KLF12: variants seen among roughly 807,000 people sequenced by gnomAD.
KLF12 encodes the protein KLF transcription factor 12.
In KLF12, 9 loss-of-function variants were observed where a neutral mutation model predicts 37.8. The observed-to-expected ratio is 0.24, with a 90% CI of 0.14 to 0.42. The LOEUF is 0.42. Among genes scored for constraint, KLF12 ranks in the 10% least tolerant of loss-of-function variants. The pLI is 1.00. For missense variants in KLF12, 411 were observed against 516.0 expected (o/e 0.80, Z 1.97); for synonymous variants, 208 against 202.1 (o/e 1.03, Z -0.25).
At chr13:73,964,351 C>T (rs1373687925) in intron 2 of KLF12, among the ~76,000 whole-genome samples, 1 of 152,170 alleles carries the variant, frequency 6.6e-6, no homozygotes, top group Non-Finnish European at 1.5e-5. Context: ...ATCTTTGCAT[C>T]TCCCATTGTT....
the KLF12 span, among the ~76,000 whole-genome samples, chr13:74,159,805 G>A: frequency 6.6e-6 from 1 of 152,072 alleles, no homozygotes; most frequent in Non-Finnish European, 1.5e-5. Context: ...GATTGCCTGA[G>A]CTCAGGAGCT....
the KLF12 span, among the ~76,000 whole-genome samples, chr13:74,149,432 A>G: frequency 2.0e-5 from 3 of 152,200 alleles, no homozygotes; most frequent in African/African-American, 7.2e-5. Flanking sequence ...TAAAAAGCTT[A>G]GTATTATCTT....
chr13:74,113,080 T>C (rs1877075276), intron 1 of KLF12, among the ~76,000 whole-genome samples: 1 of 152,180 alleles, frequency 6.6e-6, no homozygotes, highest in African/African-American at 2.4e-5. Flanking sequence ...CCTAACTCTC[T>C]TTAATTTTGC....
At chr13:74,076,370 C>A (rs992690848) in intron 1 of KLF12, among the ~76,000 whole-genome samples, 4 of 152,008 alleles carry the variant, frequency 2.6e-5, no homozygotes, top group Non-Finnish European at 5.9e-5. Flanking sequence ...GCTGGAAAGT[C>A]CAAGATCAAG....
At chr13:74,186,379 C>T in the KLF12 span, among the ~76,000 whole-genome samples, 1 of 152,080 alleles carries the variant, frequency 6.6e-6, no homozygotes, top group East Asian at 1.9e-4. Flanking sequence ...GAAGACCTCA[C>T]CAAAGTCCAG....
rs190077312 is a variant in KLF12 at position 73,914,468 on chromosome 13, T to A, written c.123+29513A>T. ...TACACATAGCAGGCACTCAAATAGATGTGGAGAGAGCCAAATAACTTTTTT... is the reference window on the plus strand; with the variant it reads ...TACACATAGCAGGCACTCAAATAGAAGTGGAGAGAGCCAAATAACTTTTTT... On this transcript the variant is annotated intron_variant, in intron 3 of 7. Transcript: ENST00000377669. Among the ~76,000 whole-genome samples, 20 of 152,310 alleles carry A rather than the reference T, an allele frequency of 1.3e-4. No individual in the cohort carries two copies. The East Asian group carries it at 1.5e-3, about 12-fold the overall frequency.
At chr13:74,022,629 A>G (rs1395934853) in intron 1 of KLF12, among the ~76,000 whole-genome samples, 2 of 151,296 alleles carry the variant, frequency 1.3e-5, no homozygotes, top group South Asian at 2.1e-4. Flanking sequence ...CCCACAGAAC[A>G]TGCAATGGTG....
chr13:74,169,242 T>G, the KLF12 span, among the ~76,000 whole-genome samples: 4 of 152,226 alleles, frequency 2.6e-5, no homozygotes, highest in Non-Finnish European at 5.9e-5. Context: ...TATGATGTTA[T>G]TTGTGGCTGC....
chr13:73,876,207 A>G (rs1210308642), intron 3 of KLF12, among the ~76,000 whole-genome samples: 2 of 151,830 alleles, frequency 1.3e-5, no homozygotes, highest in African/African-American at 4.8e-5. Context: ...AGGTTCAACT[A>G]GCAAAGACTC....
intron 6 of KLF12, among the ~76,000 whole-genome samples, chr13:73,741,386 G>A (rs1877968868): frequency 6.6e-6 from 1 of 152,188 alleles, no homozygotes; most frequent in Admixed American, 6.5e-5. Flanking sequence ...CTTTAGGTTG[G>A]TAAGGTATTG....
At chr13:73,818,178 C>T (rs1883337073) in intron 4 of KLF12, among the ~76,000 whole-genome samples, 1 of 151,808 alleles carries the variant, frequency 6.6e-6, no homozygotes, top group Non-Finnish European at 1.5e-5. Context: ...TGGAGTCTTA[C>T]TCTGTCACCT....
chr13:73,998,201 A>G (rs1892171958), intron 1 of KLF12, among the ~76,000 whole-genome samples: 1 of 152,222 alleles, frequency 6.6e-6, no homozygotes, highest in Non-Finnish European at 1.5e-5. Context: ...ACCTCAGAGT[A>G]CAGGCATTAT....
the KLF12 span, among the ~76,000 whole-genome samples, chr13:74,251,218 C>T: frequency 0.043 from 6,550 of 152,114 alleles, 450 homozygotes; most frequent in African/African-American, 0.15. Context: ...GTGGTGTTAT[C>T]TGAGCTCACT....
chr13:73,711,431 T>G (rs1242138396), intron 7 of KLF12, among the ~76,000 whole-genome samples: 2 of 152,340 alleles, frequency 1.3e-5, no homozygotes, highest in East Asian at 3.9e-4. Context: ...TAGGGACTAA[T>G]GGAGACAGTA....
intron 6 of KLF12, among the ~76,000 whole-genome samples, chr13:73,736,188 T>C (rs1445822552): frequency 3.3e-5 from 5 of 152,148 alleles, no homozygotes. Context: ...AACTCACCTC[T>C]TGGTTCCTCC....
the KLF12 span, among the ~76,000 whole-genome samples, chr13:74,243,202 G>C: frequency 0.036 from 5,421 of 152,100 alleles, 233 homozygotes; most frequent in African/African-American, 0.1. Context: ...GAGAACATGC[G>C]GTGTTTGGTT....
At chr13:74,295,286 C>G in the KLF12 span, among the ~76,000 whole-genome samples, 2 of 152,152 alleles carry the variant, frequency 1.3e-5, no homozygotes, top group Non-Finnish European at 2.9e-5. Context: ...TTTTGAACCT[C>G]TTTCTTCATG....
intron 3 of KLF12, among the ~76,000 whole-genome samples, chr13:73,896,897 TA>T (rs1258348220): frequency 1.3e-5 from 2 of 152,176 alleles, no homozygotes; most frequent in Middle Eastern, 3.2e-3. Context: ...TTCCTTTTAT[TA>T]GTTCTGTGTT....
intron 3 of KLF12, among the ~76,000 whole-genome samples, chr13:73,898,749 C>T (rs1405079603): frequency 1.3e-5 from 2 of 152,150 alleles, no homozygotes; most frequent in Non-Finnish European, 1.5e-5. Flanking sequence ...CTATCTCAGT[C>T]CTTGACTGGA....
Sources: allele counts gnomAD v4.1 joint callset (sites outside exome capture counted in the v4.1 genomes callset), GRCh38; gene constraint gnomAD v4.1.1; transcripts MANE v1.5; gene names NCBI Gene and HGNC (gene_info 2026-07-23, HGNC 2026-07-21).